FIBCD1: variants seen among roughly 807,000 people sequenced by gnomAD.
FIBCD1 encodes fibrinogen C domain-containing protein 1.
FIBCD1 carries 47 observed loss-of-function variants against 45.1 expected under a neutral mutation model. That is an observed-to-expected ratio of 1.04 (90% confidence interval 0.82 to 1.33). FIBCD1 has a LOEUF of 1.33. FIBCD1 is among the 40% of genes most tolerant of loss of function. The pLI, the probability that FIBCD1 is intolerant of heterozygous loss-of-function variation, is 0.00. For synonymous variants in FIBCD1, 313 were observed against 308.1 expected (o/e 1.02, Z -0.17); for missense variants, 653 against 682.2 (o/e 0.96, Z 0.48).
rs187276655 is a variant in FIBCD1, at chr9:130,908,437, C to T, written c.947-3024G>A. ...TGGCGAGGGCATGCCTTGGCCCTGC[C>T]GCCTTGTCCTTATCTTTACCCCCAG... On this transcript the variant is annotated intron_variant, in intron 5 of 6. Coordinates refer to ENST00000372338, the MANE Select transcript of FIBCD1 (RefSeq NM_032843.5). Among the ~76,000 whole-genome samples, 12 of 152,344 alleles carry T rather than the reference C, an allele frequency of 7.9e-5. No individual in the cohort carries two copies. The East Asian group carries it at 9.6e-4, about 12-fold the overall frequency.
chr9:130,925,165 C>T (rs568353727), intron 2 of FIBCD1, among the ~76,000 whole-genome samples: 16 of 152,158 alleles, frequency 1.1e-4, no homozygotes, highest in Non-Finnish European at 2.4e-4. Context: ...GTTTCTGGGG[C>T]TCTCCGATGT....
chr9:130,916,946 A>G (rs1832170939), intron 4 of FIBCD1, among the ~76,000 whole-genome samples: 1 of 152,044 alleles, frequency 6.6e-6, no homozygotes, highest in Non-Finnish European at 1.5e-5. Flanking sequence ...AAAAATACAA[A>G]AATTAGCTGG....
intron 1 of FIBCD1, among the ~76,000 whole-genome samples, chr9:130,930,425 C>T (rs138244503): frequency 1.8e-3 from 127 of 69,922 alleles, no homozygotes; most frequent in Non-Finnish European, 3.1e-3. Flanking sequence ...CGGGGAGACA[C>T]GGGGAGACAT....
At chr9:130,932,756 A>G (rs959370945) in intron 1 of FIBCD1, among the ~76,000 whole-genome samples, 2 of 151,966 alleles carry the variant, frequency 1.3e-5, no homozygotes, top group African/African-American at 4.8e-5. Flanking sequence ...CATTCATTCA[A>G]CTGCCTCTGT....
At chr9:130,917,977 C>T (rs1296095848) in intron 4 of FIBCD1, among the ~76,000 whole-genome samples, 2 of 152,172 alleles carry the variant, frequency 1.3e-5, no homozygotes, top group Admixed American at 6.5e-5. Context: ...AAAACAAGGG[C>T]TCCTGCACAG....
upstream of FIBCD1, among the ~76,000 whole-genome samples, chr9:130,940,022 C>G (rs1832595413): frequency 6.6e-6 from 1 of 152,130 alleles, no homozygotes; most frequent in Non-Finnish European, 1.5e-5. Flanking sequence ...CCCGCCCCCG[C>G]TTCTCCCCAA....
At chr9:130,918,144 G>A (rs1224264433) in intron 4 of FIBCD1, among the ~76,000 whole-genome samples, 1 of 152,226 alleles carries the variant, frequency 6.6e-6, no homozygotes, top group African/African-American at 2.4e-5. Context: ...CATCTGTAAA[G>A]CTAGGATTAT....
chr9:130,915,158 C>T (rs1419160084), intron 4 of FIBCD1, among the ~76,000 whole-genome samples: 1 of 152,224 alleles, frequency 6.6e-6, no homozygotes, highest in Non-Finnish European at 1.5e-5. Context: ...GAGTGTGCCC[C>T]TCTACCCAGG....
At chr9:130,931,305 C>G (rs368816397) in intron 1 of FIBCD1, among the ~76,000 whole-genome samples, 1 of 152,150 alleles carries the variant, frequency 6.6e-6, no homozygotes, top group Admixed American at 6.5e-5. Flanking sequence ...GTCAGGAGAT[C>G]GAGACCATCC....
chr9:130,929,513 C>T, intron 2 of FIBCD1, 54 bp downstream of exon 2: 1 of 1,481,848 alleles, frequency 6.7e-7, no homozygotes. Flanking sequence ...ATGGCAGCAG[C>T]AGCACCAACC....
At chr9:130,912,425 G>A (rs561850145) in intron 4 of FIBCD1, among the ~76,000 whole-genome samples, 2 of 151,176 alleles carry the variant, frequency 1.3e-5, no homozygotes, top group Admixed American at 1.3e-4. Context: ...AAGTGGGGTG[G>A]GCCGGGCACG....
chr9:130,918,370 T>G (rs1832201254), intron 4 of FIBCD1, among the ~76,000 whole-genome samples: 1 of 150,362 alleles, frequency 6.7e-6, no homozygotes, highest in Non-Finnish European at 1.5e-5. Flanking sequence ...ACCCAAGGAA[T>G]GGGGGGTGGG....
At chr9:130,904,910 T>C (rs1477510941) in intron 6 of FIBCD1, among the ~76,000 whole-genome samples, 7 of 152,214 alleles carry the variant, frequency 4.6e-5, no homozygotes, top group Non-Finnish European at 2.9e-5. Context: ...CAGAAGCTCA[T>C]CTTTTATGAC....
intron 1 of FIBCD1, among the ~76,000 whole-genome samples, chr9:130,936,972 GGTGTGT>G (rs10585045): frequency 6.6e-5 from 10 of 150,546 alleles, no homozygotes; most frequent in South Asian, 4.2e-4. Flanking sequence ...TGAGTGAAGG[GGTGTGT>G]GTGTGTGTGT....
At chr9:130,923,452 C>T (rs1292661001) in intron 4 of FIBCD1, among the ~76,000 whole-genome samples, 2 of 152,218 alleles carry the variant, frequency 1.3e-5, no homozygotes, top group African/African-American at 2.4e-5. Flanking sequence ...GGCCCAAACC[C>T]CGCCCCACCC....
intron 1 of FIBCD1, among the ~76,000 whole-genome samples, chr9:130,937,425 T>G (rs1440044553): frequency 6.6e-6 from 1 of 151,994 alleles, no homozygotes; most frequent in Non-Finnish European, 1.5e-5. Context: ...TTTGGAGAAG[T>G]GAGGTAGTGC....
At chr9:130,913,078 G>C (rs6597653) in intron 4 of FIBCD1, among the ~76,000 whole-genome samples, 79,883 of 151,752 alleles carry the variant, frequency 0.53, 22,937 homozygotes, top group African/African-American at 0.76. Flanking sequence ...TGCCTCTGTT[G>C]TTCATTTTAA....
intron 5 of FIBCD1, among the ~76,000 whole-genome samples, chr9:130,910,386 G>A (rs1056924272): frequency 1.3e-5 from 2 of 152,180 alleles, no homozygotes; most frequent in Admixed American, 6.5e-5. Flanking sequence ...CCTGCAGCCC[G>A]CCATGCCTGA....
rs774882794 is a variant in FIBCD1 at position 130,903,923 on chromosome 9, G to C, written c.*141C>G. ...TGACTTCACCGGCCCAGGGAGCTTCGTGTCAGGGATGGCCCGGCCCCTCCC... is the reference window on the plus strand; with the variant it reads ...TGACTTCACCGGCCCAGGGAGCTTCCTGTCAGGGATGGCCCGGCCCCTCCC... On this transcript the variant is annotated 3_prime_UTR_variant, in exon 7 of 7. Transcript: ENST00000372338. 9.0e-6 allele frequency: 10 copies of C among 1,116,720 alleles called. No individual in the cohort carries two copies. In the South Asian group the frequency reaches 1.2e-4, roughly 14 times the overall value. The allele number at this position is 1,116,720 out of a possible 1,614,324, so 69.2% of individuals were successfully genotyped here.
Sources: gnomAD v4.1 joint callset for allele counts (sites outside exome capture counted in the v4.1 genomes callset) on GRCh38, gnomAD v4.1.1 for gene constraint, MANE v1.5 for transcripts, NCBI Gene and HGNC (gene_info 2026-07-23, HGNC 2026-07-21) for gene names.